The following CCNB1IP1 variants were observed in gnomAD, a reference collection of about 807,000 sequenced individuals.
CCNB1IP1 encodes the protein cyclin B1 interacting protein 1.
CCNB1IP1 carries 14 observed loss-of-function variants against 25.6 expected under a neutral mutation model. The observed-to-expected ratio is 0.55, with a 90% CI of 0.36 to 0.85. The LOEUF (loss-of-function observed/expected upper bound fraction) is 0.85, where lower values mean the gene tolerates loss of function less well. CCNB1IP1 is among the 40% of genes least tolerant of loss of function. CCNB1IP1 has a pLI of 0.01. For synonymous variants in CCNB1IP1, 119 were observed against 116.1 expected (o/e 1.02, Z -0.16); for missense variants, 278 against 342.4 (o/e 0.81, Z 1.48).
chr14:20,316,401 A>C lies in CCNB1IP1; in HGVS notation c.123T>G (p.Phe41Leu), dbSNP rs140787025. The C allele has an allele frequency of 3.1e-4, 507 of 1,614,010 alleles. 5 individuals carry two copies. In the African/African-American group the frequency reaches 6.3e-3, roughly 20 times the overall value. The change falls in exon 5 of 7, where the codon TTT (phenylalanine) becomes TTG (leucine). Residue 41 changes from phenylalanine (F) to leucine (L), a missense_variant. Transcript: ENST00000358932. Reference protein sequence around the residue: ...IFCDQHGSGEFSRSPAICPAC... With the variant: ...IFCDQHGSGELSRSPAICPAC... ...CAGGACAGATAGCTGGTGAGCGACT[A>C]AACTCACCACTGCCATGCTGATCAC...
At position 20,311,701 on chromosome 14, in the gene CCNB1IP1, T is replaced by C. The variant is rs989313286; in HGVS notation, c.683A>G (p.Asp228Gly). ...LDNTPVRNRGDGDGDFQFRPF... is the reference protein window; with the variant it reads ...LDNTPVRNRGGGDGDFQFRPF... The stretch of plus-strand genomic sequence containing the variant: ...TCTGAACTGAAAATCTCCATCTCCA[T>C]CGCCCCGATTTCGAACAGGTGTATT... Residue 228 changes from aspartate to glycine, a missense_variant, in exon 7 of 7, where the codon GAT (aspartate) becomes GGT (glycine). By Grantham distance (94) the Asp-to-Gly change is moderately conservative. Coordinates refer to ENST00000358932, the MANE Select transcript of CCNB1IP1 (RefSeq NM_021178.5). The C allele has an allele frequency of 3.1e-6, 5 of 1,613,932 alleles. No homozygotes were observed. The highest frequency in any genetic ancestry group is 4.2e-6 in the Non-Finnish European group (5 of 1,180,024).
At chr14:20,315,905 T>G (rs776939556) in intron 5 of CCNB1IP1, 19 of 456,906 alleles carry the variant, frequency 4.2e-5, no homozygotes, top group South Asian at 3.5e-4. Context: ...ATACCAGATA[T>G]AATATACTGT....
chr14:20,319,119 A>G (rs1332566328), intron 4 of CCNB1IP1: 1 of 152,248 alleles, frequency 6.6e-6, no homozygotes, highest in East Asian at 1.9e-4. Context: ...ATGAATTAGT[A>G]ACAGATGCAA....
In CCNB1IP1 at chr14:20,332,026, A is replaced by ATTTTTTTT. The variant is rs57345952; in HGVS notation, c.-431+1220_-431+1227dup. Among the ~76,000 whole-genome samples the ATTTTTTTT allele has an allele frequency of 2.0e-3, 83 of 40,750 alleles. 5 individuals carry two copies. Among genetic ancestry groups the ATTTTTTTT allele is most frequent in the East Asian group, 4.3e-3 (5 of 1,162 alleles). The allele number at this position is 40,750 out of a possible 152,430, so 26.7% of individuals were successfully genotyped here. On this transcript the variant is annotated intron_variant, in intron 1 of 6. Coordinates refer to ENST00000358932, the MANE Select transcript of CCNB1IP1 (RefSeq NM_021178.5). ...TATACATATATATATATATATATAT[A>ATTTTTTTT]TTTTTTTTTTTTTTTTTTTTTTTTT...
Position 20,311,412 on chromosome 14 carries a change from TCTCA to T in CCNB1IP1, c.*134_*137del, listed in dbSNP as rs1411793107. On this transcript the variant is annotated 3_prime_UTR_variant, in exon 7 of 7. Transcript: ENST00000358932. ...TCTTTATTTTTTTTTAGAAACAGGG[TCTCA>T]CTCTGTTGCCCAGGCTGGAGTGCAG... 2 of 648,422 alleles carry T rather than the reference TCTCA, an allele frequency of 3.1e-6. No homozygotes were observed. Among genetic ancestry groups the T allele is most frequent in the African/African-American group, 1.8e-5 (1 of 55,066 alleles). 40.2% of individuals were successfully genotyped at this position (648,422 alleles called of 1,614,324 possible). A position where few individuals can be genotyped will look rare whatever the true frequency, so the allele number is the denominator to read the frequency against.
chr14:20,312,450 A>C (rs1271804775), intron 6 of CCNB1IP1, among the ~76,000 whole-genome samples: 1 of 151,886 alleles, frequency 6.6e-6, no homozygotes, highest in African/African-American at 2.4e-5. Context: ...TCCTGGGCTC[A>C]AGTGATTCTC....
chr14:20,320,987 A>T (rs1276380672), intron 4 of CCNB1IP1, among the ~76,000 whole-genome samples: 2 of 150,872 alleles, frequency 1.3e-5, no homozygotes, highest in African/African-American at 4.9e-5. Context: ...AAAATACAAA[A>T]ATTAGCTGGG....
In CCNB1IP1 at chr14:20,311,493, T is replaced by A; in HGVS notation, c.*57A>T. On this transcript the variant is annotated 3_prime_UTR_variant, in exon 7 of 7. Transcript: ENST00000358932. ...TCAGACTCCTGGGCTCAAGTGATCCTCCCAGCCTCAACCTCCTAAGTAGCT... is the reference window on the plus strand; with the variant it reads ...TCAGACTCCTGGGCTCAAGTGATCCACCCAGCCTCAACCTCCTAAGTAGCT... 1 of 1,482,626 alleles carries A rather than the reference T, an allele frequency of 6.7e-7. No homozygotes were observed. Among genetic ancestry groups the A allele is most frequent in the Non-Finnish European group, 9.4e-7 (1 of 1,063,248 alleles). 91.8% of individuals were successfully genotyped at this position (1,482,626 alleles called of 1,614,324 possible). A position where few individuals can be genotyped will look rare whatever the true frequency, so the allele number is the denominator to read the frequency against.
intron 4 of CCNB1IP1, among the ~76,000 whole-genome samples, chr14:20,317,086 G>A (rs1882725205): frequency 1.3e-5 from 2 of 152,044 alleles, no homozygotes; most frequent in South Asian, 4.2e-4. Flanking sequence ...TCCAGCCTGG[G>A]GGACAGAGCA....
chr14:20,316,632 C>T, intron 4 of CCNB1IP1, 72 bp from the exon 5 acceptor site: 1 of 768,512 alleles, frequency 1.3e-6, no homozygotes, highest in Non-Finnish European at 2.0e-6. Context: ...AGAAATATAA[C>T]ATGCACGTTT....
At chr14:20,320,965 C>T (rs1882875496) in intron 4 of CCNB1IP1, among the ~76,000 whole-genome samples, 1 of 151,518 alleles carries the variant, frequency 6.6e-6, no homozygotes, top group Non-Finnish European at 1.5e-5. Context: ...TGGAGAAACC[C>T]CATCTCTACT....
In CCNB1IP1 at chr14:20,311,735, G is replaced by A. The variant is rs559090444; in HGVS notation, c.649C>T (p.Pro217Ser). 3.1e-6 allele frequency: 5 copies of A among 1,613,766 alleles called. No individual in the cohort carries two copies. The Admixed American group carries it at 6.7e-5, about 22-fold the overall frequency. Residue 217 changes from proline to serine, a missense_variant, in exon 7 of 7, where the codon CCT becomes TCT. Coordinates refer to ENST00000358932, the MANE Select transcript of CCNB1IP1 (RefSeq NM_021178.5). ...GFPLGNNSKF[P>S]LDNTPVRNRG... ...TTTCGAACAGGTGTATTATCCAAAG[G>A]AAACTTGGAGTTGTTACCTAGGGCA...
At chr14:20,311,806 T>C (rs1882494988) in intron 6 of CCNB1IP1, 54 bp from the exon 7 acceptor site, 12 of 1,192,584 alleles carry the variant, frequency 1.0e-5, no homozygotes, top group Non-Finnish European at 1.5e-5. Context: ...ATCTATATAA[T>C]CTACTTCAGA....
chr14:20,315,278 A>G (rs1882653556), intron 5 of CCNB1IP1, among the ~76,000 whole-genome samples: 1 of 152,170 alleles, frequency 6.6e-6, no homozygotes, highest in Non-Finnish European at 1.5e-5. Context: ...AACATGGACA[A>G]TACCAACTTC....
Position 20,315,983 on chromosome 14 carries a change from T to A in CCNB1IP1, c.297+244A>T, listed in dbSNP as rs1392011072. On this transcript the variant is annotated intron_variant, in intron 5 of 6. Coordinates refer to ENST00000358932, the MANE Select transcript of CCNB1IP1 (RefSeq NM_021178.5). ...ACAGAAGAGAGAGAGAGTGTGTGAGTGTGTGTGTGTGTATACCCAAAATAT... is the reference window on the plus strand; with the variant it reads ...ACAGAAGAGAGAGAGAGTGTGTGAGAGTGTGTGTGTGTATACCCAAAATAT... 41 of 395,310 alleles carry A rather than the reference T, an allele frequency of 1.0e-4. 1 individual carries two copies. The Middle Eastern group carries it at 6.8e-3, about 66-fold the overall frequency. The allele number at this position is 395,310 out of a possible 1,614,324, so 24.5% of individuals were successfully genotyped here.
chr14:20,315,090 C>CAAA (rs546805664), intron 5 of CCNB1IP1, among the ~76,000 whole-genome samples: 340 of 24,328 alleles, frequency 0.014, 10 homozygotes, highest in African/African-American at 0.059. Flanking sequence ...GACTCCGTCT[C>CAAA]AAAAAAAAAA....
intron 4 of CCNB1IP1, among the ~76,000 whole-genome samples, chr14:20,321,760 C>T (rs939780283): frequency 5.3e-5 from 8 of 152,120 alleles, no homozygotes; most frequent in Admixed American, 1.3e-4. Flanking sequence ...TTAAAGAATA[C>T]GTTTCATATT....
At position 20,329,288 on chromosome 14, in the gene CCNB1IP1, G is replaced by C. The variant is rs1166348975; in HGVS notation, c.-345C>G. 4 of 152,202 alleles carry C rather than the reference G, an allele frequency of 2.6e-5. No individual in the cohort carries two copies. Among genetic ancestry groups the C allele is most frequent in the African/African-American group, 9.6e-5 (4 of 41,458 alleles). The allele number at this position is 152,202 out of a possible 1,614,324, so 9.4% of individuals were successfully genotyped here. A position where few individuals can be genotyped will look rare whatever the true frequency, so the allele number is the denominator to read the frequency against. On this transcript the variant is annotated 5_prime_UTR_variant, in exon 2 of 7. It adds an upstream start codon to the 5' untranslated region. Transcript: ENST00000358932. ...AGAATATCCAAATCCAAGCCCATAT[G>C]ATTTTCAGGGGGTCTACAGATGGGC... is the stretch of plus-strand genomic sequence containing the variant.
intron 6 of CCNB1IP1, among the ~76,000 whole-genome samples, chr14:20,312,211 A>C (rs1002398969): frequency 1.1e-4 from 17 of 152,238 alleles, no homozygotes; most frequent in Non-Finnish European, 2.4e-4. Context: ...ATATGAAAAA[A>C]ATAAGACAAA....
Sources: gnomAD v4.1 joint callset for allele counts (sites outside exome capture counted in the v4.1 genomes callset) on GRCh38, gnomAD v4.1.1 for gene constraint, MANE v1.5 for transcripts, NCBI Gene and HGNC (gene_info 2026-07-23, HGNC 2026-07-21) for gene names.